Variants in NDST1 observed in about 807,000 individuals in gnomAD.
The protein encoded by NDST1 is N-deacetylase and N-sulfotransferase 1.
In NDST1, 35 loss-of-function variants were observed where a neutral mutation model predicts 92.8. That is an observed-to-expected ratio of 0.38 (90% confidence interval 0.29 to 0.50). The LOEUF (loss-of-function observed/expected upper bound fraction) is 0.50, where lower values mean the gene tolerates loss of function less well. NDST1 is among the 20% of genes least tolerant of loss of function. The pLI, the probability that NDST1 is intolerant of heterozygous loss-of-function variation, is 0.94. For synonymous variants in NDST1, 493 were observed against 500.3 expected (o/e 0.99, Z 0.19); for missense variants, 822 against 1,182.7 (o/e 0.69, Z 4.47).
chr5:150,548,150 C>T, intron 11 of NDST1, 68 bp from the exon 12 acceptor site: 1 of 1,598,692 alleles, frequency 6.3e-7, no homozygotes, highest in Non-Finnish European at 8.6e-7. Flanking sequence ...TTGCGGGCTG[C>T]TGTCCCTCTC....
Position 150,534,950 on chromosome 5 carries a change from A to G in NDST1, c.1180A>G (p.Met394Val). The G allele has an allele frequency of 6.2e-7, 1 of 1,614,272 alleles. No individual in the cohort carries two copies. The highest frequency in any genetic ancestry group is 8.5e-7 in the Non-Finnish European group (1 of 1,180,048). The stretch of plus-strand genomic sequence containing the variant: ...GTGGTTCCCCCACATGTGGAGCCAC[A>G]TGCAGCCCCACCTTTTCCACAACCA... ...FWWFPHMWSH[M>V]QPHLFHNQSV... The change falls in exon 5 of 15, where the codon ATG becomes GTG. Residue 394 changes from methionine (M) to valine (V), a missense_variant. By Grantham distance (21) the Met-to-Val change is conservative. Coordinates refer to ENST00000261797, the MANE Select transcript of NDST1 (RefSeq NM_001543.5).
chr5:150,541,771 C>G, intron 9 of NDST1, 105 bp downstream of exon 9: 2 of 1,042,396 alleles, frequency 1.9e-6, no homozygotes, highest in South Asian at 1.3e-5. Flanking sequence ...TAATTTGCTC[C>G]CTCTTTCCCA....
At chr5:150,533,138 C>T (rs1248220780) in intron 4 of NDST1, 106 bp downstream of exon 4, 4 of 1,119,284 alleles carry the variant, frequency 3.6e-6, no homozygotes, top group Non-Finnish European at 4.1e-6. Context: ...TACTGGCCCA[C>T]ATTAGAGGCA....
chr5:150,528,178 T>C lies in NDST1; in HGVS notation c.888T>C (p.Asp296=). The change falls in exon 3 of 15, where the codon GAT becomes GAC. Residue 296 remains aspartate (D), a synonymous_variant. Transcript: ENST00000261797. ...GGCTGCACAAGCTTGTCTTCGTGGATGCCGTGGCCTTCCTCACGGGGAAGC... is the reference window on the plus strand; with the variant it reads ...GGCTGCACAAGCTTGTCTTCGTGGACGCCGTGGCCTTCCTCACGGGGAAGC... The part of the protein sequence containing the change: ...NFWLHKLVFV[D]AVAFLTGKRL... 6.2e-7 allele frequency: 1 copy of C among 1,614,244 alleles called. No homozygotes were observed. Among genetic ancestry groups the C allele is most frequent in the South Asian group, 1.1e-5 (1 of 91,090 alleles).
chr5:150,535,808 C>T lies in NDST1; in HGVS notation c.1360C>T (p.Arg454Cys), dbSNP rs150009231. The stretch of plus-strand genomic sequence containing the variant: ...GGCTTGGAAGCAGGTGTGGAGCATC[C>T]GCGTGACCAGCACGGAGGAGTACCC... ...YEAWKQVWSI[R>C]VTSTEEYPHL... The change falls in exon 6 of 15, where the codon CGC (arginine) becomes TGC (cysteine). Residue 454 changes from arginine (R) to cysteine (C), a missense_variant. Arg to Cys is a radical substitution (Grantham distance 180, BLOSUM62 -3). Transcript: ENST00000261797. 8.6e-5 allele frequency: 139 copies of T among 1,614,034 alleles called. No homozygotes were observed. The highest frequency in any genetic ancestry group is 1.3e-4 in the African/African-American group (10 of 74,936).
In NDST1 at chr5:150,539,499, C is replaced by T. The variant is rs764103983; in HGVS notation, c.1566+143C>T. 9.7e-5 allele frequency: 151 copies of T among 1,564,148 alleles called. 1 individual carries two copies. Among genetic ancestry groups the T allele is most frequent in the South Asian group, 9.1e-4 (80 of 87,496 alleles). On this transcript the variant is annotated intron_variant, in intron 7 of 14. Coordinates refer to ENST00000261797, the MANE Select transcript of NDST1 (RefSeq NM_001543.5). The stretch of plus-strand genomic sequence containing the variant: ...CAGTTGGGAGACCCACTCTCCAGCA[C>T]TGGCCCTGCCTCGGCTGTGTGACCT...
At position 150,521,072 on chromosome 5, in the gene NDST1, C is replaced by T. The variant is rs891636471; in HGVS notation, c.-183C>T. The T allele has an allele frequency of 1.6e-6, 1 of 617,668 alleles. No individual in the cohort carries two copies. The highest frequency in any genetic ancestry group is 1.9e-5 in the South Asian group (1 of 51,402). 38.3% of individuals were successfully genotyped at this position (617,668 alleles called of 1,614,324 possible). A position where few individuals can be genotyped will look rare whatever the true frequency, so the allele number is the denominator to read the frequency against. On this transcript the variant is annotated 5_prime_UTR_variant, in exon 2 of 15. Coordinates refer to ENST00000261797, the MANE Select transcript of NDST1 (RefSeq NM_001543.5). The surrounding 1 kb of genome is among the most constrained non-coding windows in gnomAD (Gnocchi z 5.9). ...AGCGTGACCAGCCTGTGGACTGCGC[C>T]CCTGGCTGGGAGGAAGGACTGGGGG...
In NDST1 at chr5:150,548,344, G is replaced by A. The variant is rs566952354; in HGVS notation, c.2272G>A (p.Ala758Thr). 2.4e-5 allele frequency: 38 copies of A among 1,613,684 alleles called. No individual in the cohort carries two copies. Among genetic ancestry groups the A allele is most frequent in the African/African-American group, 5.3e-5 (4 of 75,012 alleles). The change falls in exon 12 of 15, where the codon GCC becomes ACC. Residue 758 changes from alanine to threonine, a missense_variant. Coordinates refer to ENST00000261797, the MANE Select transcript of NDST1 (RefSeq NM_001543.5). ...QNRCLVPGWY[A>T]THIERWLSAY... Reference sequence around the variant, plus strand: ...CCGCTGCCTGGTCCCTGGCTGGTACGCCACCCACATCGAGCGCTGGCTCAG... The same window carrying A: ...CCGCTGCCTGGTCCCTGGCTGGTACACCACCCACATCGAGCGCTGGCTCAG...
At chr5:150,528,785 ACT>A (rs1754586773) in intron 3 of NDST1, among the ~76,000 whole-genome samples, 1 of 152,174 alleles carries the variant, frequency 6.6e-6, no homozygotes, top group Admixed American at 6.5e-5. Flanking sequence ...ACAGAGCAAG[ACT>A]CTGTCTCAAA....
Position 150,545,342 on chromosome 5 carries a change from C to T in NDST1, c.2001C>T (p.Asn667=), listed in dbSNP as rs770705077. The T allele has an allele frequency of 5.6e-6, 9 of 1,614,140 alleles. No homozygotes were observed. The East Asian group carries it at 1.1e-4, about 20-fold the overall frequency. Residue 667 remains asparagine, a synonymous_variant, in exon 11 of 15, where the codon AAC becomes AAT. Transcript: ENST00000261797. Reference sequence around the variant, plus strand: ...TGGAGTTCTTCCCCATCCCTTCCAACACCACCTCCGACTTCTACTTTGAGA... The same window carrying T: ...TGGAGTTCTTCCCCATCCCTTCCAATACCACCTCCGACTTCTACTTTGAGA... ...WYMEFFPIPS[N]TTSDFYFEKS...
Position 150,521,566 on chromosome 5 carries a change from G to A in NDST1, c.312G>A (p.Leu104=). ...TGGGCCAGGAGGTGGTGGCCATCCT[G>A]GAGTCCAGCCGCTTCAAATACCGCA... ...SQLGQEVVAI[L]ESSRFKYRTE... is the part of the protein sequence containing the mutation. Residue 104 remains leucine, a synonymous_variant, in exon 2 of 15, where the codon CTG becomes CTA. Transcript: ENST00000261797. The surrounding 1 kb of genome is among the most constrained non-coding windows in gnomAD (Gnocchi z 5.9). The A allele has an allele frequency of 1.9e-6, 3 of 1,614,014 alleles. No individual in the cohort carries two copies. The highest frequency in any genetic ancestry group is 2.5e-6 in the Non-Finnish European group (3 of 1,180,028).
chr5:150,516,693 T>C (rs967578303), intron 1 of NDST1, among the ~76,000 whole-genome samples: 9 of 152,000 alleles, frequency 5.9e-5, no homozygotes, highest in Non-Finnish European at 1.3e-4. Context: ...TGAGACAGAG[T>C]CTCGCTCTAT....
chr5:150,543,172 T>C (rs987940865), intron 10 of NDST1, among the ~76,000 whole-genome samples: 3 of 152,234 alleles, frequency 2.0e-5, no homozygotes, highest in Admixed American at 6.5e-5. Flanking sequence ...GGAGGCCCTT[T>C]GCCCCTTTGC....
intron 6 of NDST1, among the ~76,000 whole-genome samples, chr5:150,537,232 C>T (rs1235128551): frequency 1.3e-5 from 2 of 152,130 alleles, no homozygotes; most frequent in Non-Finnish European, 2.9e-5. Context: ...AATCTGGGAA[C>T]CTTGAAAAAA....
intron 1 of NDST1, among the ~76,000 whole-genome samples, chr5:150,511,328 G>A (rs1753710935): frequency 6.6e-6 from 1 of 152,224 alleles, no homozygotes; most frequent in Admixed American, 6.5e-5. Flanking sequence ...AAAGCTTTCA[G>A]TGAAGTTGGG....
Position 150,532,962 on chromosome 5 carries a change from G to C in NDST1, c.1026G>C (p.Gln342His). The C allele has an allele frequency of 6.2e-7, 1 of 1,614,214 alleles. No individual in the cohort carries two copies. Among genetic ancestry groups the C allele is most frequent in the Non-Finnish European group, 8.5e-7 (1 of 1,180,044 alleles). Residue 342 changes from glutamine to histidine, a missense_variant, in exon 4 of 15, where the codon CAG becomes CAC. Gln to His is a conservative substitution (Grantham distance 24, BLOSUM62 0). Coordinates refer to ENST00000261797, the MANE Select transcript of NDST1 (RefSeq NM_001543.5). ...TGTCCTAGGCCCTGTTTGACACACA[G>C]AACGAACTACGCGCACACATCCCAA... ...VEDVKALFDT[Q>H]NELRAHIPNF... is the part of the protein sequence containing the mutation.
upstream of NDST1, among the ~76,000 whole-genome samples, chr5:150,503,632 G>A (rs1391343819): frequency 1.3e-5 from 2 of 152,128 alleles, no homozygotes; most frequent in African/African-American, 4.8e-5. Context: ...GTTTGATGGG[G>A]CAGCTGTGAG....
At chr5:150,518,036 C>T (rs1364904590) in intron 1 of NDST1, among the ~76,000 whole-genome samples, 1 of 152,162 alleles carries the variant, frequency 6.6e-6, no homozygotes, top group African/African-American at 2.4e-5. Flanking sequence ...CAGGACCAGT[C>T]ACCCCAGCCT....
At chr5:150,506,031 C>T (rs959693139), upstream of NDST1, among the ~76,000 whole-genome samples, 9 of 152,146 alleles carry the variant, frequency 5.9e-5, no homozygotes, top group Non-Finnish European at 8.8e-5. Context: ...GTAAGAAGGC[C>T]GGGCCTAGGA....
Sources: allele counts gnomAD v4.1 joint callset (sites outside exome capture counted in the v4.1 genomes callset), GRCh38; gene constraint gnomAD v4.1.1; non-coding constraint Gnocchi (gnomAD v3.1); transcripts MANE v1.5; gene names NCBI Gene and HGNC (gene_info 2026-07-23, HGNC 2026-07-21).